CHST6: variants seen among roughly 807,000 people sequenced by gnomAD.
CHST6 encodes the protein N-acetylglucosamine 6-O-sulfotransferase 5.
For synonymous variants in CHST6, 309 were observed against 276.4 expected (o/e 1.12, Z -1.17); for missense variants, 698 against 586.2 (o/e 1.19, Z -1.97).
intron 1 of CHST6, 105 bp from the exon 2 acceptor site, chr16:75,481,996 G>A: frequency 2.5e-6 from 1 of 395,456 alleles, no homozygotes; most frequent in South Asian, 1.9e-5. Context: ...AGGATGGGAT[G>A]TGCAACATTT....
In CHST6 at chr16:75,479,179, G is replaced by A. The variant is rs1399842810; in HGVS notation, c.650C>T (p.Ala217Val). 6.2e-7 allele frequency: 1 copy of A among 1,608,350 alleles called. No homozygotes were observed. Among genetic ancestry groups the A allele is most frequent in the East Asian group, 2.2e-5 (1 of 44,846 alleles). The change falls in exon 3 of 3, where the codon GCT (alanine) becomes GTT (valine). Residue 217 changes from alanine to valine, a missense_variant. Ala to Val is a moderately conservative substitution (Grantham distance 64, BLOSUM62 0). Transcript: ENST00000332272. Reference sequence around the variant, plus strand: ...CACGATGCCGTTGTCACGCGCCAGAGCCTTGGCTGTCTGCTCCCGGGAGCG... The same window carrying A: ...CACGATGCCGTTGTCACGCGCCAGAACCTTGGCTGTCTGCTCCCGGGAGCG... ...VLRSREQTAKALARDNGIVLG... is the reference protein window; with the variant it reads ...VLRSREQTAKVLARDNGIVLG...
In CHST6 at chr16:75,474,657, G is replaced by A. The variant is rs2080048776; in HGVS notation, c.*3984C>T. ...CCCAAGATCAAGGAGCCAGCATCTA[G>A]CGAGAGCCTTCTTGCTGTGTCCTAG... is the stretch of plus-strand genomic sequence containing the variant. On this transcript the variant is annotated 3_prime_UTR_variant, in exon 3 of 3. Transcript: ENST00000332272. 5 of 398,800 alleles carry A rather than the reference G, an allele frequency of 1.3e-5. No individual in the cohort carries two copies. Among genetic ancestry groups the A allele is most frequent in the African/African-American group, 6.2e-5 (3 of 48,622 alleles). The allele number at this position is 398,800 out of a possible 1,614,324, so 24.7% of individuals were successfully genotyped here.
Position 75,478,206 on chromosome 16 carries a change from G to A in CHST6, c.*435C>T, listed in dbSNP as rs375230497. ...TTCACTTCCGAGTTTTGCCATGTGT[G>A]CCTGTGTGCATATGTATGTGATGTA... On this transcript the variant is annotated 3_prime_UTR_variant, in exon 3 of 3. Transcript: ENST00000332272. 182 of 224,836 alleles carry A rather than the reference G, an allele frequency of 8.1e-4. 1 individual carries two copies. In the South Asian group the frequency reaches 0.011, roughly 13 times the overall value. The allele number at this position is 224,836 out of a possible 1,614,324, so 13.9% of individuals were successfully genotyped here.
At chr16:75,479,876 G>A (rs746716800) in intron 2 of CHST6, 32 bp from the exon 3 acceptor site, 1 of 1,524,322 alleles carries the variant, frequency 6.6e-7, no homozygotes. Context: ...GTTAGGGGCT[G>A]CAGCCTGCAC....
intron 1 of CHST6, among the ~76,000 whole-genome samples, chr16:75,484,187 A>C (rs1220079776): frequency 6.6e-6 from 1 of 151,652 alleles, no homozygotes; most frequent in Non-Finnish European, 1.5e-5. Context: ...AAAATATAAA[A>C]ATAGCCAGGC....
Position 75,491,028 on chromosome 16 carries a change from C to T in CHST6, c.-92+3912G>A, listed in dbSNP as rs148493005. 4.0e-3 allele frequency among the ~76,000 whole-genome samples: 600 copies of T among 151,080 alleles called. 1 individual carries two copies. Among genetic ancestry groups the T allele is most frequent in the Non-Finnish European group, 6.4e-3 (432 of 67,764 alleles). On this transcript the variant is annotated intron_variant, in intron 1 of 2. Coordinates refer to ENST00000332272, the MANE Select transcript of CHST6 (RefSeq NM_021615.5). ...TTTAAAATATAAACTTTGGGCCGGA[C>T]GCAGTGGCTCACGCATGTAATCCCA...
intron 1 of CHST6, among the ~76,000 whole-genome samples, chr16:75,491,095 G>A (rs540807533): frequency 7.0e-6 from 1 of 142,210 alleles, no homozygotes; most frequent in East Asian, 2.1e-4. Flanking sequence ...GGTCAGGAAG[G>A]CAGAGTTTGC....
In CHST6 at chr16:75,477,412, T is replaced by C. The variant is rs2151664493; in HGVS notation, c.*1229A>G. The C allele has an allele frequency of 6.6e-6, 1 of 152,336 alleles. No individual in the cohort carries two copies. Among genetic ancestry groups the C allele is most frequent in the East Asian group, 1.9e-4 (1 of 5,180 alleles). The allele number at this position is 152,336 out of a possible 1,614,324, so 9.4% of individuals were successfully genotyped here. ...CACCAGCATCGCTCCTGGTAGCTGATGGCAACGTGAGGGAAACTGCCTCAT... is the reference window on the plus strand; with the variant it reads ...CACCAGCATCGCTCCTGGTAGCTGACGGCAACGTGAGGGAAACTGCCTCAT... On this transcript the variant is annotated 3_prime_UTR_variant, in exon 3 of 3. Transcript: ENST00000332272.
rs1166827139 is a variant in CHST6 at position 75,476,573 on chromosome 16, A to AAT, written c.*2067_*2068insAT. The stretch of plus-strand genomic sequence containing the variant: ...CAGACTCCATCTCAAAAAAAAAAAA[A>AAT]AAAAAAAAAAAATGGCCCTGGAGAG... On this transcript the variant is annotated 3_prime_UTR_variant, in exon 3 of 3. Coordinates refer to ENST00000332272, the MANE Select transcript of CHST6 (RefSeq NM_021615.5). 6.7e-6 allele frequency: 1 copy of AAT among 149,866 alleles called. No homozygotes were observed. Among genetic ancestry groups the AAT allele is most frequent in the African/African-American group, 2.5e-5 (1 of 40,696 alleles). The allele number at this position is 149,866 out of a possible 1,614,324, so 9.3% of individuals were successfully genotyped here. A position where few individuals can be genotyped will look rare whatever the true frequency, so the allele number is the denominator to read the frequency against.
At chr16:75,494,732 C>T (rs1413489817) in intron 1 of CHST6, among the ~76,000 whole-genome samples, 1 of 152,242 alleles carries the variant, frequency 6.6e-6, no homozygotes, top group East Asian at 1.9e-4. Context: ...TCCTGCGCAG[C>T]CGAAGCCCCA....
At chr16:75,493,174 G>A (rs1029189234) in intron 1 of CHST6, among the ~76,000 whole-genome samples, 1 of 151,880 alleles carries the variant, frequency 6.6e-6, no homozygotes, top group Non-Finnish European at 1.5e-5. Flanking sequence ...TTTACTGAGC[G>A]ATCTTGTGCA....
At chr16:75,480,817 C>A (rs960877552) in intron 2 of CHST6, among the ~76,000 whole-genome samples, 1 of 150,804 alleles carries the variant, frequency 6.6e-6, no homozygotes, top group South Asian at 2.1e-4. Context: ...TAATCCCCAG[C>A]TACTCAGGAG....
chr16:75,481,559 G>A (rs1488661224), intron 2 of CHST6, among the ~76,000 whole-genome samples: 2 of 152,088 alleles, frequency 1.3e-5, no homozygotes, highest in Admixed American at 1.3e-4. Flanking sequence ...TTATGCCACT[G>A]CACTCCAGCC....
intron 1 of CHST6, among the ~76,000 whole-genome samples, chr16:75,482,142 C>T (rs2080149029): frequency 6.6e-6 from 1 of 152,138 alleles, no homozygotes; most frequent in Non-Finnish European, 1.5e-5. Flanking sequence ...GAACCCCTCC[C>T]CCTGGGGAGT....
rs760232320 is a variant in CHST6 at position 75,479,790 on chromosome 16, C to G, written c.39G>C (p.Ala13=). 7 of 1,582,210 alleles carry G rather than the reference C, an allele frequency of 4.4e-6. No homozygotes were observed. The African/African-American group carries it at 8.0e-5, about 18-fold the overall frequency. Residue 13 remains alanine, a synonymous_variant, in exon 3 of 3, where the codon GCG becomes GCC. Coordinates refer to ENST00000332272, the MANE Select transcript of CHST6 (RefSeq NM_021615.5). ...LPRVSSTAVT[A]LLLAQTFLLL... is the part of the protein sequence containing the mutation. ...GGAGGAAGGTCTGCGCCAGGAGGAG[C>G]GCGGTCACTGCTGTGCTGGAGACGC...
At chr16:75,490,769 A>T (rs1396583636) in intron 1 of CHST6, 2 of 152,132 alleles carry the variant, frequency 1.3e-5, no homozygotes, top group African/African-American at 2.4e-5. Context: ...ACCCTAGAGA[A>T]CTGAACATAC....
At position 75,479,236 on chromosome 16, in the gene CHST6, A is replaced by G. The variant is rs1334965451; in HGVS notation, c.593T>C (p.Val198Ala). Reference protein sequence around the residue: ...LSDPALNLRIVHLVRDPRAVL... With the variant: ...LSDPALNLRIAHLVRDPRAVL... The stretch of plus-strand genomic sequence containing the variant: ...GGCCCGCGGGTCGCGCACCAGGTGC[A>G]CGATGCGTAGGTTGAGCGCGGGGTC... Residue 198 changes from valine to alanine, a missense_variant, in exon 3 of 3, where the codon GTG becomes GCG. Physicochemically the swap from Val to Ala is moderately conservative, Grantham distance 64. Coordinates refer to ENST00000332272, the MANE Select transcript of CHST6 (RefSeq NM_021615.5). The G allele has an allele frequency of 6.2e-7, 1 of 1,611,656 alleles. No individual in the cohort carries two copies. The highest frequency in any genetic ancestry group is 2.2e-5 in the East Asian group (1 of 44,844).
At chr16:75,493,950 T>A (rs1365675399) in intron 1 of CHST6, among the ~76,000 whole-genome samples, 2 of 152,200 alleles carry the variant, frequency 1.3e-5, no homozygotes, top group Non-Finnish European at 2.9e-5. Context: ...GTTCAAGTGA[T>A]TCTTCTGCCT....
At position 75,474,382 on chromosome 16, in the gene CHST6, C is replaced by T. The variant is rs2080045599; in HGVS notation, c.*4259G>A. The T allele has an allele frequency of 2.7e-6, 1 of 376,306 alleles. No individual in the cohort carries two copies. The highest frequency in any genetic ancestry group is 3.8e-5 in the East Asian group (1 of 26,444). 23.3% of individuals were successfully genotyped at this position (376,306 alleles called of 1,614,324 possible). A position where few individuals can be genotyped will look rare whatever the true frequency, so the allele number is the denominator to read the frequency against. ...CTCAACCTCCCAGGGTCAAGCAGTCCTCCCAACTCAGCCTCCCAAGTAGCT... is the reference window on the plus strand; with the variant it reads ...CTCAACCTCCCAGGGTCAAGCAGTCTTCCCAACTCAGCCTCCCAAGTAGCT... On this transcript the variant is annotated 3_prime_UTR_variant, in exon 3 of 3. Transcript: ENST00000332272.
Sources: gnomAD v4.1 joint callset for allele counts (sites outside exome capture counted in the v4.1 genomes callset) on GRCh38, gnomAD v4.1.1 for gene constraint, MANE v1.5 for transcripts, NCBI Gene and HGNC (gene_info 2026-07-23, HGNC 2026-07-21) for gene names.